SGCZ: variants seen among roughly 807,000 people sequenced by gnomAD.
SGCZ encodes the protein zeta-sarcoglycan.
Under a neutral mutation model 41.3 loss-of-function variants are expected in SGCZ, and 40 were observed. The observed-to-expected ratio is 0.97, with a 90% CI of 0.75 to 1.26. The LOEUF is 1.26. Ranked by LOEUF, SGCZ falls within the 50% of genes most tolerant of loss-of-function variation. The pLI is 0.00. For synonymous variants in SGCZ, 206 were observed against 137.5 expected, an observed-to-expected ratio of 1.50 and a Z score of -3.49; for missense variants, 552 against 369.8, an observed-to-expected ratio of 1.49 and a Z score of -4.04.
chr8:15,113,472 T>C (rs1318091001), intron 1 of SGCZ, among the ~76,000 whole-genome samples: 1 of 152,158 alleles, frequency 6.6e-6, no homozygotes. Flanking sequence ...ATTTGTTTTC[T>C]CTTTCCCTGC....
intron 1 of SGCZ, among the ~76,000 whole-genome samples, chr8:14,690,175 T>C (rs1463748417): frequency 6.6e-6 from 1 of 151,782 alleles, no homozygotes; most frequent in Non-Finnish European, 1.5e-5. Context: ...CCGTGTTGTG[T>C]GTATAGGATA....
intron 1 of SGCZ, among the ~76,000 whole-genome samples, chr8:15,096,481 C>T (rs1318306392): frequency 1.3e-5 from 2 of 152,044 alleles, no homozygotes; most frequent in African/African-American, 4.8e-5. Context: ...GAAAAGGAGG[C>T]TTTATCGACA....
chr8:14,193,617 A>C (rs1805175898), intron 4 of SGCZ, among the ~76,000 whole-genome samples: 1 of 152,080 alleles, frequency 6.6e-6, no homozygotes, highest in Non-Finnish European at 1.5e-5. Context: ...TCTAAATGTA[A>C]ATGTGGCCAT....
chr8:15,053,039 T>C (rs979875707), intron 1 of SGCZ, among the ~76,000 whole-genome samples: 1 of 152,176 alleles, frequency 6.6e-6, no homozygotes, highest in East Asian at 1.9e-4. Flanking sequence ...AGCATTCCTC[T>C]GTAATAACTC....
At chr8:14,353,993 A>T (rs1230298296) in intron 2 of SGCZ, among the ~76,000 whole-genome samples, 1 of 152,066 alleles carries the variant, frequency 6.6e-6, no homozygotes, top group Admixed American at 6.6e-5. Flanking sequence ...TAGACCCTGA[A>T]TCTGAAATGT....
rs1379140857 is a variant in SGCZ, at chr8:14,087,808, G to A, written c.*2635C>T. Among the ~76,000 whole-genome samples, 1 of 151,632 alleles carries A rather than the reference G, an allele frequency of 6.6e-6. No individual in the cohort carries two copies. The highest frequency in any genetic ancestry group is 1.5e-5 in the Non-Finnish European group (1 of 67,740). On this transcript the variant is annotated 3_prime_UTR_variant, in exon 8 of 8. Coordinates refer to ENST00000382080, the MANE Select transcript of SGCZ (RefSeq NM_139167.4). The stretch of plus-strand genomic sequence containing the variant: ...CCTTCACAATAGGCTTGATCTCTCT[G>A]AGGCAGGGATCTTGGCTTAGATTCA...
rs551805832 is a variant in SGCZ, at chr8:15,205,088, A to G, written c.39+32497T>C. ...GTGAAACAGGTTGTCATGCCAGTTC[A>G]TGACTCCCTGTAAAATCAATTTTTG... On this transcript the variant is annotated intron_variant, in intron 1 of 7. Transcript: ENST00000382080. Among the ~76,000 whole-genome samples the G allele has an allele frequency of 4.8e-3, 735 of 152,288 alleles. 14 individuals carry two copies. Among genetic ancestry groups the G allele is most frequent in the Non-Finnish European group, 7.7e-3 (526 of 68,006 alleles).
At chr8:14,769,923 G>A (rs1470843120) in intron 1 of SGCZ, among the ~76,000 whole-genome samples, 1 of 151,298 alleles carries the variant, frequency 6.6e-6, no homozygotes, top group Non-Finnish European at 1.5e-5. Context: ...GTATGCTGCA[G>A]GCATAAAGAT....
chr8:14,786,651 T>C (rs1220563243), intron 1 of SGCZ, among the ~76,000 whole-genome samples: 5 of 152,048 alleles, frequency 3.3e-5, no homozygotes, highest in African/African-American at 1.2e-4. Flanking sequence ...AATACACATA[T>C]AAACAAATAT....
chr8:14,689,942 CA>C (rs1412489995), intron 1 of SGCZ, among the ~76,000 whole-genome samples: 2 of 151,908 alleles, frequency 1.3e-5, no homozygotes, highest in East Asian at 3.9e-4. Flanking sequence ...AGAAATTAGT[CA>C]AAAAAGTTAT....
At chr8:15,198,079 T>A (rs1424334514) in intron 1 of SGCZ, among the ~76,000 whole-genome samples, 2 of 148,994 alleles carry the variant, frequency 1.3e-5, no homozygotes, top group Non-Finnish European at 3.0e-5. Context: ...TAATGGCAAT[T>A]TGATATGTAT....
At chr8:14,330,234 T>G (rs1173081175) in intron 2 of SGCZ, among the ~76,000 whole-genome samples, 1 of 152,126 alleles carries the variant, frequency 6.6e-6, no homozygotes, top group Non-Finnish European at 1.5e-5. Context: ...TCATGTTCAT[T>G]TCTTCATCTT....
chr8:14,945,166 G>T (rs563228127), intron 1 of SGCZ, among the ~76,000 whole-genome samples: 2 of 114,318 alleles, frequency 1.7e-5, no homozygotes, highest in Admixed American at 1.0e-4. Flanking sequence ...GTGGGTGGGT[G>T]GGGGGGGTGG....
chr8:14,339,724 T>A (rs1031258420), intron 2 of SGCZ, among the ~76,000 whole-genome samples: 1 of 152,102 alleles, frequency 6.6e-6, no homozygotes, highest in Non-Finnish European at 1.5e-5. Flanking sequence ...AGCAAAGGAA[T>A]AGATCTAGCC....
intron 1 of SGCZ, among the ~76,000 whole-genome samples, chr8:14,562,556 T>A (rs1041134816): frequency 1.3e-5 from 2 of 152,126 alleles, no homozygotes; most frequent in African/African-American, 4.8e-5. Context: ...AGAAAGAGAA[T>A]ATCTTTCAGA....
chr8:14,753,518 C>T (rs1468371588), intron 1 of SGCZ, among the ~76,000 whole-genome samples: 1 of 152,296 alleles, frequency 6.6e-6, no homozygotes, highest in Non-Finnish European at 1.5e-5. Flanking sequence ...CATTTTCTCA[C>T]TTCTGAAGTG....
At chr8:14,094,147 AT>A (rs1028156167) in intron 7 of SGCZ, among the ~76,000 whole-genome samples, 5 of 151,930 alleles carry the variant, frequency 3.3e-5, no homozygotes, top group African/African-American at 4.8e-5. Flanking sequence ...TTTTAAAAAG[AT>A]TTTTTTAACT....
At chr8:14,697,378 C>T (rs571486211) in intron 1 of SGCZ, among the ~76,000 whole-genome samples, 4 of 152,158 alleles carry the variant, frequency 2.6e-5, no homozygotes, top group Non-Finnish European at 5.9e-5. Context: ...AAACAATTCA[C>T]ATCAGAACAG....
At chr8:14,990,003 T>C (rs925956258) in intron 1 of SGCZ, among the ~76,000 whole-genome samples, 16 of 152,160 alleles carry the variant, frequency 1.1e-4, no homozygotes, top group Non-Finnish European at 1.9e-4. Flanking sequence ...ATTAATAAAA[T>C]AGCTGCCTAC....
Sources: gnomAD v4.1 joint callset for allele counts (sites outside exome capture counted in the v4.1 genomes callset) on GRCh38, gnomAD v4.1.1 for gene constraint, MANE v1.5 for transcripts, NCBI Gene and HGNC (gene_info 2026-07-23, HGNC 2026-07-21) for gene names.